P4HA2: variants seen among roughly 807,000 people sequenced by gnomAD.
P4HA2 encodes prolyl 4-hydroxylase subunit alpha-2.
In P4HA2, 46 loss-of-function variants were observed where a neutral mutation model predicts 76.9. The observed-to-expected ratio is 0.60, with a 90% CI of 0.47 to 0.76. The LOEUF is 0.76. Among genes scored for constraint, P4HA2 ranks in the 30% least tolerant of loss-of-function variants. The pLI, the probability that P4HA2 is intolerant of heterozygous loss-of-function variation, is 0.00. For missense variants in P4HA2, 583 were observed against 669.4 expected, an observed-to-expected ratio of 0.87 and a Z score of 1.42; for synonymous variants, 243 against 254.0, an observed-to-expected ratio of 0.96 and a Z score of 0.41.
chr5:132,208,768 C>T (rs370018953), intron 7 of P4HA2, among the ~76,000 whole-genome samples: 5 of 151,946 alleles, frequency 3.3e-5, no homozygotes, highest in Admixed American at 1.3e-4. Flanking sequence ...CTCTAGTACA[C>T]GCTGGTGTCT....
At position 132,198,396 on chromosome 5, in the gene P4HA2, A is replaced by G. The variant is rs1423891730; in HGVS notation, c.1306-16T>C. On this transcript the variant is annotated splice_polypyrimidine_tract_variant and intron_variant, in intron 11 of 14. Coordinates refer to ENST00000360568, the MANE Select transcript of P4HA2 (RefSeq NM_001017974.2). The stretch of plus-strand genomic sequence containing the variant: ...CAAAAGGTCGCTGCAACAGACAACA[A>G]CTTTCACCCAAGTTTACAACAGGCT... 4.3e-6 allele frequency: 7 copies of G among 1,611,968 alleles called. No individual in the cohort carries two copies. Among genetic ancestry groups the G allele is most frequent in the Non-Finnish European group, 5.9e-6 (7 of 1,179,584 alleles).
Position 132,218,960 on chromosome 5 carries a change from G to A in P4HA2, c.-18-316C>T, listed in dbSNP as rs528149384. 3.3e-5 allele frequency among the ~76,000 whole-genome samples: 5 copies of A among 152,290 alleles called. No homozygotes were observed. In the South Asian group the frequency reaches 1.0e-3, roughly 32 times the overall value. ...GGTACAGTCAGCTCGGGTTCCAATG[G>A]TCTGTCAGTCCAAGATTCTGGCCCA... On this transcript the variant is annotated intron_variant, in intron 1 of 14. Transcript: ENST00000360568.
Position 132,193,007 on chromosome 5 carries a change from A to G in P4HA2, c.*3T>C, listed in dbSNP as rs903549253. 19 of 1,595,500 alleles carry G rather than the reference A, an allele frequency of 1.2e-5. No homozygotes were observed. The highest frequency in any genetic ancestry group is 2.7e-5 in the African/African-American group (2 of 74,554). On this transcript the variant is annotated 3_prime_UTR_variant, in exon 15 of 15. Coordinates refer to ENST00000360568, the MANE Select transcript of P4HA2 (RefSeq NM_001017974.2). ...CCAGGAAGGGGAAGGACAGAAAAGGATGTCAGTCAACTTCTGTTGATCCAC... is the reference window on the plus strand; with the variant it reads ...CCAGGAAGGGGAAGGACAGAAAAGGGTGTCAGTCAACTTCTGTTGATCCAC...
chr5:132,213,841 T>G, intron 5 of P4HA2, 75 bp downstream of exon 5: 1 of 1,443,164 alleles, frequency 6.9e-7, no homozygotes. Context: ...AGGCCACAAG[T>G]TGGTGGTGGC....
At chr5:132,209,574 C>T (rs983080342) in intron 6 of P4HA2, among the ~76,000 whole-genome samples, 2 of 151,910 alleles carry the variant, frequency 1.3e-5, no homozygotes, top group Admixed American at 6.6e-5. Flanking sequence ...CGTGAGGTCA[C>T]GAGTTCGAGA....
chr5:132,218,845 T>C (rs1225902465), intron 1 of P4HA2, among the ~76,000 whole-genome samples: 1 of 152,210 alleles, frequency 6.6e-6, no homozygotes, highest in Non-Finnish European at 1.5e-5. Flanking sequence ...TTCTGGTCCC[T>C]GCTCTGGGAA....
rs536302462 is a variant in P4HA2, at chr5:132,214,001, G to A, written c.384C>T (p.Asp128=). ...TCAGGGCTTTGGCAGCTCCTATCTCGTCCTCATCAGTGGGGAAGAACTGCC... is the reference window on the plus strand; with the variant it reads ...TCAGGGCTTTGGCAGCTCCTATCTCATCCTCATCAGTGGGGAAGAACTGCC... The part of the protein sequence containing the change: ...VQRQFFPTDE[D]EIGAAKALMR... Residue 128 remains aspartate (D), a synonymous_variant, in exon 5 of 15, where the codon GAC becomes GAT. Coordinates refer to ENST00000360568, the MANE Select transcript of P4HA2 (RefSeq NM_001017974.2). The A allele has an allele frequency of 8.7e-6, 14 of 1,613,960 alleles. No homozygotes were observed. The highest frequency in any genetic ancestry group is 5.0e-5 in the Admixed American group (3 of 60,016).
At chr5:132,208,161 T>G (rs1752459431) in intron 7 of P4HA2, among the ~76,000 whole-genome samples, 1 of 150,922 alleles carries the variant, frequency 6.6e-6, no homozygotes, top group African/African-American at 2.4e-5. Context: ...GGCATGATGG[T>G]GCATACCTGT....
intron 5 of P4HA2, among the ~76,000 whole-genome samples, chr5:132,211,995 G>C (rs575873836): frequency 1.3e-5 from 2 of 152,192 alleles, no homozygotes; most frequent in Admixed American, 1.3e-4. Flanking sequence ...CTGGCACTCA[G>C]CATCCTCCCC....
At chr5:132,193,192 A>C in intron 14 of P4HA2, 112 bp from the exon 15 acceptor site, 1 of 730,704 alleles carries the variant, frequency 1.4e-6, no homozygotes, top group Non-Finnish European at 2.5e-6. Context: ...GACACAAATA[A>C]GACAAGACAT....
intron 7 of P4HA2, among the ~76,000 whole-genome samples, chr5:132,208,677 G>C (rs993248757): frequency 6.6e-6 from 1 of 151,952 alleles, no homozygotes; most frequent in Non-Finnish European, 1.5e-5. Context: ...ACAGGGGCAT[G>C]GAAAAGGCTC....
At chr5:132,202,611 T>C (rs1168340317) in intron 10 of P4HA2, 5 of 152,292 alleles carry the variant, frequency 3.3e-5, no homozygotes, top group Middle Eastern at 6.8e-3. Context: ...ACACAGAAGT[T>C]CCAATATTTA....
rs10656798 is a variant in P4HA2 at position 132,209,770 on chromosome 5, C to CAAAAAAA, written c.710-446_710-440dup. On this transcript the variant is annotated intron_variant, in intron 6 of 14. Transcript: ENST00000360568. Reference sequence around the variant, plus strand: ...AGGCTGGATGAGTGAGACTCTGTCTCAAAAAAAAAAAAAAAAAAAGGTAGA... The same window carrying CAAAAAAA: ...AGGCTGGATGAGTGAGACTCTGTCTCAAAAAAAAAAAAAAAAAAAAAAAAAAGGTAGA... Among the ~76,000 whole-genome samples, 17 of 95,008 alleles carry CAAAAAAA rather than the reference C, an allele frequency of 1.8e-4. 1 individual carries two copies. The highest frequency in any genetic ancestry group is 2.4e-4 in the Admixed American group (2 of 8,398). The allele number at this position is 95,008 out of a possible 152,430, so 62.3% of individuals were successfully genotyped here.
Position 132,209,148 on chromosome 5 carries a change from C to A in P4HA2, c.893G>T (p.Gly298Val), listed in dbSNP as rs199738778. 69 of 1,612,284 alleles carry A rather than the reference C, an allele frequency of 4.3e-5. No homozygotes were observed. Among genetic ancestry groups the A allele is most frequent in the Non-Finnish European group, 5.4e-5 (64 of 1,179,212 alleles). ...DVYESLCRGE[G>V]VKLTPRRQKR... ...CCTCACACATCTCACCAGTTTGACA[C>A]CCTCCCCACGACAGAGGCTCTCGTA... The change falls in exon 7 of 15, where the codon GGT (glycine) becomes GTT (valine). Residue 298 changes from glycine (G) to valine (V), a missense_variant. Transcript: ENST00000360568.
In P4HA2 at chr5:132,190,365, T is replaced by C. The variant is rs1016390868; in HGVS notation, c.*2645A>G. ...AAACTACATTTCCCAGATTCCCTTA[T>C]CAGCTGGCTTCCTGTTAGGGTCTAC... On this transcript the variant is annotated 3_prime_UTR_variant, in exon 15 of 15. Transcript: ENST00000360568. 4.0e-4 allele frequency among the ~76,000 whole-genome samples: 61 copies of C among 152,200 alleles called. No individual in the cohort carries two copies. The highest frequency in any genetic ancestry group is 1.5e-3 in the African/African-American group (61 of 41,452).
intron 5 of P4HA2, 54 bp downstream of exon 5, chr5:132,213,862 C>A: frequency 2.5e-6 from 4 of 1,586,584 alleles, no homozygotes; most frequent in Non-Finnish European, 3.4e-6. Flanking sequence ...TCCAACCTGT[C>A]CCGCCACTAA....
At chr5:132,202,250 G>T (rs1420508332) in intron 10 of P4HA2, 1 of 152,146 alleles carries the variant, frequency 6.6e-6, no homozygotes, top group East Asian at 1.9e-4. Flanking sequence ...TATTTGCAAG[G>T]TAATCAGTAT....
rs1408827817 is a variant in P4HA2 at position 132,218,648 on chromosome 5, A to AG, written c.-18-5_-18-4insC. 5 of 1,567,048 alleles carry AG rather than the reference A, an allele frequency of 3.2e-6. No homozygotes were observed. The African/African-American group carries it at 4.1e-5, about 13-fold the overall frequency. ...TCATGGTCACAGAGGGAAGTGTCTG[A>AG]AAGGCATTCAATGACAATCACTGGA... is the stretch of plus-strand genomic sequence containing the variant. On this transcript the variant is annotated splice_region_variant and splice_polypyrimidine_tract_variant and intron_variant, in intron 1 of 14. Transcript: ENST00000360568.
chr5:132,216,462 G>A (rs533313741), intron 4 of P4HA2, among the ~76,000 whole-genome samples: 17 of 152,062 alleles, frequency 1.1e-4, no homozygotes, highest in Admixed American at 1.1e-3. Flanking sequence ...CATATCCAAT[G>A]ACTTGACCCA....
Sources: allele counts gnomAD v4.1 joint callset (sites outside exome capture counted in the v4.1 genomes callset), GRCh38; gene constraint gnomAD v4.1.1; transcripts MANE v1.5; gene names NCBI Gene and HGNC (gene_info 2026-07-23, HGNC 2026-07-21).